Variants in SERPINF1 observed in about 807,000 individuals in gnomAD.
SERPINF1 encodes the protein pigment epithelium-derived factor.
A neutral mutation model predicts 37.3 loss-of-function variants in SERPINF1; 29 were observed. That is an observed-to-expected ratio of 0.78 (90% CI 0.58 to 1.06). SERPINF1 has a LOEUF of 1.06. Ranked by LOEUF, SERPINF1 falls within the 50% of genes least tolerant of loss-of-function variation. The probability of loss-of-function intolerance (pLI) is 0.00; values close to 1 mark genes in which losing one functional copy is unlikely to be tolerated. For missense variants in SERPINF1, 553 were observed against 532.2 expected, an observed-to-expected ratio of 1.04 and a Z score of -0.38; for synonymous variants, 281 against 227.9, an observed-to-expected ratio of 1.23 and a Z score of -2.10.
chr17:1,776,180 C>T (rs1908018200), intron 6 of SERPINF1, among the ~76,000 whole-genome samples: 1 of 152,114 alleles, frequency 6.6e-6, no homozygotes, highest in Non-Finnish European at 1.5e-5. Context: ...CCAGTGCTCT[C>T]TATTTAACAA....
chr17:1,766,861 T>A, intron 1 of SERPINF1, 42 bp from the exon 2 acceptor site: 3 of 1,528,000 alleles, frequency 2.0e-6, no homozygotes, highest in Non-Finnish European at 2.7e-6. Flanking sequence ...GGCAGTGCAG[T>A]GTCGGGGGAG....
intron 1 of SERPINF1, among the ~76,000 whole-genome samples, chr17:1,764,736 T>C (rs7209701): frequency 0.99 from 151,219 of 152,302 alleles, 75,086 homozygotes; most frequent in Middle Eastern, 1. Context: ...TCAAAAAGTG[T>C]GTGTGCTGTG....
At position 1,774,392 on chromosome 17, in the gene SERPINF1, C is replaced by T. The variant is rs7222399; in HGVS notation, c.644-666C>T. ...TGTATTTTCAGTAGAGATGGGGTTT[C>T]GCCATGCTGGCCAGGCTGTTCTCGA... On this transcript the variant is annotated intron_variant, in intron 5 of 7. Coordinates refer to ENST00000254722, the MANE Select transcript of SERPINF1 (RefSeq NM_002615.7). Among the ~76,000 whole-genome samples the T allele has an allele frequency of 7.5e-3, 1,137 of 152,270 alleles. 11 individuals are homozygous for T. Among genetic ancestry groups the T allele is most frequent in the African/African-American group, 0.026 (1,069 of 41,540 alleles).
In SERPINF1 at chr17:1,776,633, G is replaced by A. The variant is rs369954662; in HGVS notation, c.888G>A (p.Glu296=). 47 of 1,614,064 alleles carry A rather than the reference G, an allele frequency of 2.9e-5. No homozygotes were observed. The highest frequency in any genetic ancestry group is 5.0e-5 in the Admixed American group (3 of 59,988). ...TGATAGAGGAGAGCCTCACCTCCGAGTTCATTCATGACATAGACCGAGAAC... is the reference window on the plus strand; with the variant it reads ...TGATAGAGGAGAGCCTCACCTCCGAATTCATTCATGACATAGACCGAGAAC... ...LTLIEESLTS[E]FIHDIDRELK... Residue 296 remains glutamate (E), a synonymous_variant, in exon 7 of 8, where the codon GAG becomes GAA. Coordinates refer to ENST00000254722, the MANE Select transcript of SERPINF1 (RefSeq NM_002615.7).
At chr17:1,775,778 C>A (rs1177601256) in intron 6 of SERPINF1, among the ~76,000 whole-genome samples, 1 of 152,216 alleles carries the variant, frequency 6.6e-6, no homozygotes, top group Non-Finnish European at 1.5e-5. Flanking sequence ...AGGTGATCCG[C>A]CTGCCTCGGT....
At chr17:1,770,900 T>C in intron 3 of SERPINF1, 129 bp from the exon 4 acceptor site, 1 of 1,168,944 alleles carries the variant, frequency 8.6e-7, no homozygotes, top group Non-Finnish European at 1.3e-6. Context: ...ACCTAGATTG[T>C]CTTGAAGATC....
At chr17:1,768,620 C>T (rs995148510) in intron 2 of SERPINF1, among the ~76,000 whole-genome samples, 51 of 149,304 alleles carry the variant, frequency 3.4e-4, no homozygotes, top group African/African-American at 1.0e-3. Flanking sequence ...ACCACAGGCA[C>T]GTTCCACCAC....
chr17:1,772,619 C>T (rs1457920087), intron 5 of SERPINF1, among the ~76,000 whole-genome samples: 1 of 148,962 alleles, frequency 6.7e-6, no homozygotes, highest in East Asian at 2.0e-4. Context: ...AGTGCAGTGG[C>T]GCGATCTCGG....
chr17:1,770,836 CT>C (rs768318083), intron 3 of SERPINF1, 192 bp from the exon 4 acceptor site: 1 of 654,860 alleles, frequency 1.5e-6, no homozygotes, highest in South Asian at 1.7e-5. Flanking sequence ...CCTTCCAGGC[CT>C]GATGCCTTTA....
intron 2 of SERPINF1, among the ~76,000 whole-genome samples, chr17:1,768,685 C>T (rs936760776): frequency 2.0e-5 from 3 of 151,836 alleles, no homozygotes; most frequent in Non-Finnish European, 2.9e-5. Flanking sequence ...CCATGTTGCT[C>T]AGGTTGGTCT....
In SERPINF1 at chr17:1,771,183, G is replaced by C. The variant is rs141155058; in HGVS notation, c.438G>C (p.Lys146Asn). The C allele has an allele frequency of 1.1e-5, 18 of 1,613,170 alleles. No individual in the cohort carries two copies. Among genetic ancestry groups the C allele is most frequent in the Non-Finnish European group, 1.4e-5 (17 of 1,179,678 alleles). Residue 146 changes from lysine to asparagine, a missense_variant and splice_region_variant, in exon 4 of 8, where the codon AAG becomes AAC. Transcript: ENST00000254722. ...LKSASRIVFE[K>N]KLRIKSSFVA... ...GTGCCTCCCGGATCGTCTTTGAGAAGAGTGAGTCGCCTTTGCAGCCCAAGT... is the reference window on the plus strand; with the variant it reads ...GTGCCTCCCGGATCGTCTTTGAGAACAGTGAGTCGCCTTTGCAGCCCAAGT...
At chr17:1,769,371 C>T (rs1286675983) in intron 2 of SERPINF1, among the ~76,000 whole-genome samples, 15 of 149,402 alleles carry the variant, frequency 1.0e-4, no homozygotes, top group Admixed American at 2.7e-4. Context: ...ATCACGCCAC[C>T]GTACTCCAGC....
In SERPINF1 at chr17:1,772,124, A is replaced by G. The variant is rs766471207; in HGVS notation, c.643+49A>G. ...TCATTTATTTTACTGTATTTTAACT[A>G]ATTAATTAATTCGATGGAGTCTTAC... On this transcript the variant is annotated intron_variant, in intron 5 of 7. Transcript: ENST00000254722. 4 of 1,555,164 alleles carry G rather than the reference A, an allele frequency of 2.6e-6. No homozygotes were observed. In the Admixed American group the frequency reaches 7.0e-5, roughly 27 times the overall value.
intron 5 of SERPINF1, among the ~76,000 whole-genome samples, chr17:1,774,076 T>C (rs1326747084): frequency 1.3e-5 from 2 of 152,204 alleles, no homozygotes; most frequent in South Asian, 2.1e-4. Context: ...CTCTTTGGCT[T>C]TGGCCTGTTT....
intron 5 of SERPINF1, among the ~76,000 whole-genome samples, chr17:1,773,915 G>A (rs575676804): frequency 5.9e-5 from 9 of 152,262 alleles, no homozygotes; most frequent in South Asian, 2.1e-4. Context: ...AGCGGCCCCC[G>A]AGCCTGGACA....
chr17:1,763,648 A>AT (rs1484839106), intron 1 of SERPINF1, among the ~76,000 whole-genome samples: 1 of 152,174 alleles, frequency 6.6e-6, no homozygotes, highest in Non-Finnish European at 1.5e-5. Flanking sequence ...CTCTTCCCTT[A>AT]TCCAGATGGC....
At chr17:1,766,860 G>A (rs1434930360) in intron 1 of SERPINF1, 43 bp from the exon 2 acceptor site, 28 of 1,529,414 alleles carry the variant, frequency 1.8e-5, no homozygotes, top group Admixed American at 1.4e-4. Context: ...GGGCAGTGCA[G>A]TGTCGGGGGA....
intron 4 of SERPINF1, chr17:1,771,636 C>G (rs1298845056): frequency 1.7e-6 from 1 of 572,190 alleles, no homozygotes. Context: ...AGGAAGTGGG[C>G]TGCAGGAGAC....
In SERPINF1 at chr17:1,777,395, C is replaced by T. The variant is rs2151213606; in HGVS notation, c.1206C>T (p.Asp402=). Reference sequence around the variant, plus strand: ...TCATCTTCGTACTGAGGGACACAGACACAGGGGCCCTTCTCTTCATTGGCA... The same window carrying T: ...TCATCTTCGTACTGAGGGACACAGATACAGGGGCCCTTCTCTTCATTGGCA... ...QPFIFVLRDT[D]TGALLFIGKI... Residue 402 remains aspartate, a synonymous_variant, in exon 8 of 8, where the codon GAC becomes GAT. Coordinates refer to ENST00000254722, the MANE Select transcript of SERPINF1 (RefSeq NM_002615.7). 6.2e-7 allele frequency: 1 copy of T among 1,614,140 alleles called. No homozygotes were observed. The highest frequency in any genetic ancestry group is 1.7e-5 in the Admixed American group (1 of 60,006).
Sources: allele counts gnomAD v4.1 joint callset (sites outside exome capture counted in the v4.1 genomes callset), GRCh38; gene constraint gnomAD v4.1.1; transcripts MANE v1.5; gene names NCBI Gene and HGNC (gene_info 2026-07-23, HGNC 2026-07-21).